Variants in ULK2 observed in about 807,000 individuals in gnomAD.
ULK2 encodes unc-51 like autophagy activating kinase 2, also known as serine/threonine-protein kinase ULK2.
ULK2 carries 76 observed loss-of-function variants against 127.5 expected under a neutral mutation model. That is an observed-to-expected ratio of 0.60 (90% CI 0.50 to 0.72). The LOEUF is 0.72. Ranked by LOEUF, ULK2 falls within the 30% of genes least tolerant of loss-of-function variation. The pLI is 0.00. For synonymous variants in ULK2, 452 were observed against 461.9 expected (o/e 0.98, Z 0.28); for missense variants, 1,144 against 1,295.9 (o/e 0.88, Z 1.80).
intron 10 of ULK2, among the ~76,000 whole-genome samples, chr17:19,838,076 C>T (rs2041641376): frequency 6.6e-6 from 1 of 152,142 alleles, no homozygotes; most frequent in South Asian, 2.1e-4. Context: ...AAAGCTCTTC[C>T]CACAGATATC....
intron 25 of ULK2, among the ~76,000 whole-genome samples, chr17:19,778,885 A>G (rs2086860908): frequency 6.6e-6 from 1 of 152,244 alleles, no homozygotes; most frequent in Non-Finnish European, 1.5e-5. Context: ...AAGCTCACTA[A>G]GCAGCCAGGA....
chr17:19,815,806 T>C (rs1458836115), intron 13 of ULK2, among the ~76,000 whole-genome samples: 1 of 152,042 alleles, frequency 6.6e-6, no homozygotes, highest in Non-Finnish European at 1.5e-5. Context: ...TATACATTTG[T>C]AACAAACCTG....
chr17:19,860,524 CT>C (rs34701817), intron 3 of ULK2, among the ~76,000 whole-genome samples: 344 of 138,106 alleles, frequency 2.5e-3, no homozygotes, highest in East Asian at 8.5e-3. Context: ...ATTAATACCT[CT>C]TTTTTTTTTT....
At chr17:19,785,060 G>T (rs2086999235) in intron 21 of ULK2, among the ~76,000 whole-genome samples, 1 of 151,872 alleles carries the variant, frequency 6.6e-6, no homozygotes, top group South Asian at 2.1e-4. Context: ...TCAAATTATT[G>T]ATTTCAAGTC....
At chr17:19,852,871 C>T (rs558417911) in intron 3 of ULK2, among the ~76,000 whole-genome samples, 85 of 151,916 alleles carry the variant, frequency 5.6e-4, no homozygotes, top group Middle Eastern at 3.4e-3. Flanking sequence ...AGGATGGTCT[C>T]AATCTCCTGA....
At chr17:19,788,152 T>C (rs2087075584) in intron 20 of ULK2, among the ~76,000 whole-genome samples, 1 of 152,064 alleles carries the variant, frequency 6.6e-6, no homozygotes, top group South Asian at 2.1e-4. Context: ...ACACAAGGAC[T>C]GCAATTCCTA....
intron 22 of ULK2, among the ~76,000 whole-genome samples, chr17:19,782,939 C>T (rs9911900): frequency 1.6e-4 from 24 of 151,162 alleles, no homozygotes; most frequent in African/African-American, 5.6e-4. Context: ...AACAAACAAA[C>T]AAATAAATAA....
intron 10 of ULK2, among the ~76,000 whole-genome samples, chr17:19,830,451 C>T (rs776329064): frequency 2.1e-4 from 32 of 152,074 alleles, no homozygotes; most frequent in Non-Finnish European, 4.0e-4. Context: ...GTCTTCCTTC[C>T]TCAGCCTCTC....
At chr17:19,851,801 G>A (rs1032565331) in intron 3 of ULK2, among the ~76,000 whole-genome samples, 7 of 151,800 alleles carry the variant, frequency 4.6e-5, no homozygotes, top group Non-Finnish European at 5.9e-5. Flanking sequence ...AAGGCGGGTC[G>A]GATTACAACG....
chr17:19,834,729 T>G (rs910860204), intron 10 of ULK2, among the ~76,000 whole-genome samples: 3 of 151,916 alleles, frequency 2.0e-5, no homozygotes, highest in African/African-American at 7.3e-5. Flanking sequence ...CTGGGCAACA[T>G]GGCAAAAACC....
intron 20 of ULK2, among the ~76,000 whole-genome samples, chr17:19,787,257 G>A (rs369979297): frequency 6.6e-6 from 1 of 152,168 alleles, no homozygotes; most frequent in Non-Finnish European, 1.5e-5. Flanking sequence ...AAACTGCTGG[G>A]ATTACAGGCG....
intron 3 of ULK2, among the ~76,000 whole-genome samples, chr17:19,851,241 C>A (rs1211744766): frequency 7.0e-6 from 1 of 142,904 alleles, no homozygotes; most frequent in Non-Finnish European, 1.5e-5. Flanking sequence ...GTAGAAGAAT[C>A]ATTTGAACCC....
At chr17:19,780,145 G>A (rs1172026091) in intron 25 of ULK2, among the ~76,000 whole-genome samples, 1 of 149,498 alleles carries the variant, frequency 6.7e-6, no homozygotes. Flanking sequence ...CTGTACTCCA[G>A]CCTGGGCGAC....
intron 10 of ULK2, among the ~76,000 whole-genome samples, chr17:19,828,081 A>G (rs2041341253): frequency 6.6e-6 from 1 of 152,166 alleles, no homozygotes; most frequent in Non-Finnish European, 1.5e-5. Flanking sequence ...CCCATCAAAA[A>G]TCTTGAGGCC....
intron 3 of ULK2, among the ~76,000 whole-genome samples, chr17:19,862,089 T>G (rs1381084389): frequency 2.6e-5 from 4 of 151,958 alleles, no homozygotes; most frequent in African/African-American, 9.7e-5. Context: ...AACTTAAACA[T>G]CCTTTTTCTT....
chr17:19,772,607 A>G lies in ULK2; in HGVS notation c.*3742T>C, dbSNP rs2086750932. On this transcript the variant is annotated 3_prime_UTR_variant, in exon 27 of 27. Coordinates refer to ENST00000395544, the MANE Select transcript of ULK2 (RefSeq NM_014683.4). ...TGCTTTATTCCAGAAAGAATTTAAG[A>G]CTGCTTATAGAAAATACGAGGGAGC... is the stretch of plus-strand genomic sequence containing the variant. The G allele has an allele frequency of 6.6e-6, 1 of 152,244 alleles. No homozygotes were observed. The highest frequency in any genetic ancestry group is 2.1e-4 in the South Asian group (1 of 4,834). 9.4% of individuals were successfully genotyped at this position (152,244 alleles called of 1,614,324 possible).
chr17:19,866,842 T>C (rs1001681974), intron 1 of ULK2, among the ~76,000 whole-genome samples: 1 of 151,816 alleles, frequency 6.6e-6, no homozygotes, highest in Non-Finnish European at 1.5e-5. Flanking sequence ...CTCTTCGGGG[T>C]GCAGGGGACC....
At chr17:19,797,190 G>A (rs754100036) in intron 18 of ULK2, among the ~76,000 whole-genome samples, 18 of 152,202 alleles carry the variant, frequency 1.2e-4, no homozygotes, top group Middle Eastern at 3.4e-3. Context: ...TCAGCTACTC[G>A]GGAGGCTGAG....
At chr17:19,831,099 C>T (rs1308965259) in intron 10 of ULK2, among the ~76,000 whole-genome samples, 8 of 151,522 alleles carry the variant, frequency 5.3e-5, no homozygotes, top group Admixed American at 6.6e-5. Flanking sequence ...TTCTCCATGG[C>T]TGGGGAGGTT....
Sources: gnomAD v4.1 joint callset for allele counts (sites outside exome capture counted in the v4.1 genomes callset) on GRCh38, gnomAD v4.1.1 for gene constraint, MANE v1.5 for transcripts, NCBI Gene and HGNC (gene_info 2026-07-23, HGNC 2026-07-21) for gene names.